MXRA5: variants seen among roughly 807,000 people sequenced by gnomAD.
MXRA5 encodes matrix remodeling associated 5.
MXRA5 carries 41 observed loss-of-function variants against 112.5 expected under a neutral mutation model. The observed-to-expected ratio is 0.36, with a 90% CI of 0.28 to 0.47. The LOEUF (loss-of-function observed/expected upper bound fraction) is 0.47. MXRA5 is among the 20% of genes least tolerant of loss of function. MXRA5 has a pLI of 0.99. For synonymous variants in MXRA5, 862 were observed against 900.8 expected, an observed-to-expected ratio of 0.96 and a Z score of 0.77; for missense variants, 2,150 against 2,251.0, an observed-to-expected ratio of 0.96 and a Z score of 0.91.
intron 2 of MXRA5, among the ~76,000 whole-genome samples, chrX:3,331,755 T>C (rs1603468144): frequency 8.9e-6 from 1 of 112,164 alleles, no homozygotes; most frequent in South Asian, 3.7e-4. Context: ...TGTATATAAT[T>C]GTCAAGATGC....
chrX:3,315,620 T>C, intron 6 of MXRA5, among the ~76,000 whole-genome samples: 2 of 110,063 alleles, frequency 1.8e-5, no homozygotes, highest in Middle Eastern at 9.6e-3. Flanking sequence ...CCAAGTGTTG[T>C]CTTGGGGCAA....
Position 3,309,573 on chromosome X carries a change from C to G in MXRA5, c.*143G>C, listed in dbSNP as rs1472946268. On this transcript the variant is annotated 3_prime_UTR_variant, in exon 7 of 7. Coordinates refer to ENST00000217939, the MANE Select transcript of MXRA5 (RefSeq NM_015419.4). ...CTTCCTTTTCCCAACAATTGTAGAT[C>G]AAGATCAACCTCAACTTGAAACCCA... 1 of 494,131 alleles carries G rather than the reference C, an allele frequency of 2.0e-6. No homozygotes were observed. Among genetic ancestry groups the G allele is most frequent in the Non-Finnish European group, 3.3e-6 (1 of 298,858 alleles). 40.7% of individuals were successfully genotyped at this position (494,131 alleles called of 1,213,427 possible).
chrX:3,312,097 C>T (rs1603467772), intron 6 of MXRA5, among the ~76,000 whole-genome samples: 1 of 111,784 alleles, frequency 8.9e-6, no homozygotes, highest in Non-Finnish European at 1.9e-5. Flanking sequence ...TGTTGTATCC[C>T]AGTTTTGGGC....
intron 5 of MXRA5, among the ~76,000 whole-genome samples, chrX:3,318,845 A>G (rs754598840): frequency 1.9e-4 from 18 of 94,167 alleles, no homozygotes; most frequent in Middle Eastern, 5.3e-3. Flanking sequence ...ATGAAATGCC[A>G]TTCTGTCTTT....
Position 3,311,068 on chromosome X carries a change from T to C in MXRA5, c.7135A>G (p.Thr2379Ala), listed in dbSNP as rs766352069. ...EAKGEPMPKVTWLSPTNKVIP... is the reference protein window; with the variant it reads ...EAKGEPMPKVAWLSPTNKVIP... ...ACCTTGTTGGTTGGGGACAACCAAG[T>C]CACCTTGGGCATGGGTTCTCCTTTG... The change falls in exon 7 of 7, where the codon ACT (threonine) becomes GCT (alanine). Residue 2379 changes from threonine (T) to alanine (A), a missense_variant. Thr to Ala is a moderately conservative substitution (Grantham distance 58). Around this residue, in one of 6 missense-constraint regions of MXRA5, gnomAD observed 1,485 missense variants for 1,471.6 expected, o/e 1.01. Transcript: ENST00000217939. 1.9e-5 allele frequency: 23 copies of C among 1,209,371 alleles called. No individual in the cohort carries two copies. Among genetic ancestry groups the C allele is most frequent in the Non-Finnish European group, 2.5e-5 (22 of 895,073 alleles).
chrX:3,331,563 G>C (rs1420254034), intron 2 of MXRA5, among the ~76,000 whole-genome samples: 2 of 111,893 alleles, frequency 1.8e-5, no homozygotes, highest in Non-Finnish European at 3.8e-5. Context: ...CATGCTAAAG[G>C]CCAAATAGAA....
intron 2 of MXRA5, among the ~76,000 whole-genome samples, chrX:3,342,807 G>A (rs1183895983): frequency 8.9e-6 from 1 of 112,094 alleles, no homozygotes; most frequent in Non-Finnish European, 1.9e-5. Context: ...TGTCAATGGA[G>A]GAGAGTTTTT....
At position 3,311,368 on chromosome X, in the gene MXRA5, G is replaced by A. The variant is rs1406773286; in HGVS notation, c.6835C>T (p.Leu2279Phe). ...GLPNPEISWS[L>F]PDGSLVNSFM... is the part of the protein sequence containing the mutation. ...GAGTTCACCAGACTCCCGTCTGGGAGGCTCCAGGAGATCTCGGGATTGGGA... is the reference window on the plus strand; with the variant it reads ...GAGTTCACCAGACTCCCGTCTGGGAAGCTCCAGGAGATCTCGGGATTGGGA... Residue 2279 changes from leucine (L) to phenylalanine (F), a missense_variant, in exon 7 of 7, where the codon CTC becomes TTC. Leu to Phe is a conservative substitution (Grantham distance 22, BLOSUM62 0). Around this residue, in one of 6 missense-constraint regions of MXRA5, gnomAD observed 1,485 missense variants for 1,471.6 expected, o/e 1.01. Transcript: ENST00000217939. The A allele has an allele frequency of 8.3e-7, 1 of 1,212,055 alleles. No homozygotes were observed. Among genetic ancestry groups the A allele is most frequent in the Admixed American group, 2.2e-5 (1 of 46,113 alleles).
Position 3,322,316 on chromosome X carries a change from T to A in MXRA5, c.3369A>T (p.Lys1123Asn). The A allele has an allele frequency of 3.3e-6, 4 of 1,210,922 alleles. No individual in the cohort carries two copies. The highest frequency in any genetic ancestry group is 4.5e-6 in the Non-Finnish European group (4 of 895,164). Residue 1123 changes from lysine (K) to asparagine (N), a missense_variant, in exon 5 of 7, where the codon AAA (lysine) becomes AAT (asparagine). Transcript: ENST00000217939. Reference sequence around the variant, plus strand: ...GTGTTGTTGTTGCTGTTGTGGTGTCTTTGTCTAGGAGGGTACCAACTGTGG... The same window carrying A: ...GTGTTGTTGTTGCTGTTGTGGTGTCATTGTCTAGGAGGGTACCAACTGTGG... ...AETTVGTLLD[K>N]DTTTATTTPR...
rs1460725943 is a variant in MXRA5, at chrX:3,317,904, T to C, written c.5777A>G (p.Tyr1926Cys). The C allele has an allele frequency of 1.7e-6, 2 of 1,211,429 alleles. No individual in the cohort carries two copies. Among genetic ancestry groups the C allele is most frequent in the East Asian group, 3.0e-5 (1 of 33,809 alleles). The change falls in exon 6 of 7, where the codon TAT becomes TGT. Residue 1926 changes from tyrosine to cysteine, a missense_variant. Physicochemically the swap from Tyr to Cys is radical, Grantham distance 194. Transcript: ENST00000217939. ...GTGCAGGTTGCTGGCGGTGCACATATACTGGCCTCGATCTTGTACTTGAAC... is the reference window on the plus strand; with the variant it reads ...GTGCAGGTTGCTGGCGGTGCACATACACTGGCCTCGATCTTGTACTTGAAC... ...RKVQVQDRGQ[Y>C]MCTASNLHGL... is the part of the protein sequence containing the mutation.
In MXRA5 at chrX:3,311,594, A is replaced by G. The variant is rs769635590; in HGVS notation, c.6609T>C (p.Asn2203=). 2 of 1,209,425 alleles carry G rather than the reference A, an allele frequency of 1.7e-6. No individual in the cohort carries two copies. The highest frequency in any genetic ancestry group is 3.5e-5 in the African/African-American group (2 of 57,393). ...SFDSRIKVFA[N]GTLVVKSVTD... ...TCACTGATTTCACCACCAGGGTCCC[A>G]TTGGCAAACACCTTGATTCTGCTAT... Residue 2203 remains asparagine, a synonymous_variant, in exon 7 of 7, where the codon AAT becomes AAC. Transcript: ENST00000217939.
rs1441128328 is a variant in MXRA5 at position 3,324,142 on chromosome X, G to T, written c.1543C>A (p.Leu515Ile). 8.3e-7 allele frequency: 1 copy of T among 1,209,522 alleles called. No homozygotes were observed. The highest frequency in any genetic ancestry group is 1.1e-6 in the Non-Finnish European group (1 of 895,163). The change falls in exon 5 of 7, where the codon CTT (leucine) becomes ATT (isoleucine). Residue 515 changes from leucine (L) to isoleucine (I), a missense_variant. Physicochemically the swap from Leu to Ile is conservative, Grantham distance 5. This residue lies in a region of MXRA5 where 386 missense variants were observed against 411.0 expected (regional missense o/e 0.94). Coordinates refer to ENST00000217939, the MANE Select transcript of MXRA5 (RefSeq NM_015419.4). The part of the protein sequence containing the change: ...ASESPSIFWV[L>I]PDGSILKAPM... ...GCTTTCAGGATGGAGCCATCTGGAA[G>T]CACCCAGAAGATAGATGGACTCTCA...
In MXRA5 at chrX:3,330,353, C is replaced by T. The variant is rs376675393; in HGVS notation, c.374G>A (p.Gly125Asp). The T allele has an allele frequency of 3.3e-6, 4 of 1,207,947 alleles. No individual in the cohort carries two copies. The African/African-American group carries it at 7.0e-5, about 21-fold the overall frequency. The change falls in exon 4 of 7, where the codon GGT (glycine) becomes GAT (aspartate). Residue 125 changes from glycine to aspartate, a missense_variant. By Grantham distance (94) the Gly-to-Asp change is moderately conservative (BLOSUM62 -1). Coordinates refer to ENST00000217939, the MANE Select transcript of MXRA5 (RefSeq NM_015419.4). ...GTGCAGCCTCATTAAGTTAGAGAGA[C>T]CCTGGAGGGTCTGTCCTGTGATCAC... The part of the protein sequence containing the change: ...LRVITGQTLQ[G>D]LSNLMRLHID...
intron 6 of MXRA5, 66 bp from the exon 7 acceptor site, chrX:3,311,690 G>C (rs192204668): frequency 2.1e-6 from 2 of 944,870 alleles, no homozygotes; most frequent in East Asian, 3.1e-5. Flanking sequence ...GCATTAGGTC[G>C]CTGGAATAAC....
intron 3 of MXRA5, 104 bp from the exon 4 acceptor site, chrX:3,330,512 A>G: frequency 9.0e-7 from 1 of 1,112,591 alleles, no homozygotes; most frequent in East Asian, 3.0e-5. Context: ...GAGAGTAATG[A>G]CATGAAGCTT....
Position 3,321,402 on chromosome X carries a change from A to G in MXRA5, c.4283T>C (p.Val1428Ala). The G allele has an allele frequency of 8.3e-7, 1 of 1,211,629 alleles. No individual in the cohort carries two copies. The highest frequency in any genetic ancestry group is 1.1e-6 in the Non-Finnish European group (1 of 895,469). Residue 1428 changes from valine to alanine, a missense_variant, in exon 5 of 7, where the codon GTC (valine) becomes GCC (alanine). Around this residue, in one of 6 missense-constraint regions of MXRA5, gnomAD observed 1,485 missense variants for 1,471.6 expected, o/e 1.01. Coordinates refer to ENST00000217939, the MANE Select transcript of MXRA5 (RefSeq NM_015419.4). The part of the protein sequence containing the change: ...FTSEFLSSLT[V>A]STPFHQEEAG... ...TTCTTCCTGGTGAAATGGTGTGGAG[A>G]CTGTCAAAGAGGACAAAAACTCGGA...
chrX:3,339,836 C>A (rs1921873444), intron 2 of MXRA5, among the ~76,000 whole-genome samples: 1 of 112,406 alleles, frequency 8.9e-6, no homozygotes, highest in Admixed American at 9.5e-5. Flanking sequence ...GGCTTATTAG[C>A]CCCTTGGCTT....
intron 3 of MXRA5, 85 bp downstream of exon 3, chrX:3,330,559 T>G (rs1921640522): frequency 8.7e-7 from 1 of 1,149,793 alleles, no homozygotes; most frequent in African/African-American, 1.8e-5. Context: ...TTATTGATCA[T>G]TAAGGAGAAT....
Position 3,317,982 on chromosome X carries a change from G to A in MXRA5, c.5699C>T (p.Thr1900Ile). The change falls in exon 6 of 7, where the codon ACC becomes ATC. Residue 1900 changes from threonine to isoleucine, a missense_variant. Coordinates refer to ENST00000217939, the MANE Select transcript of MXRA5 (RefSeq NM_015419.4). ...GAGAACCTCAAACCGTTGTATCCTG[G>A]TATTCGGAGTCATAAGAGCTCCTGG... ...VSTGALMTPN[T>I]RIQRFEVLKN... The A allele has an allele frequency of 8.4e-7, 1 of 1,196,257 alleles. No individual in the cohort carries two copies. The highest frequency in any genetic ancestry group is 1.1e-6 in the Non-Finnish European group (1 of 886,855).
Sources: allele counts gnomAD v4.1 joint callset (sites outside exome capture counted in the v4.1 genomes callset), GRCh38; gene constraint gnomAD v4.1.1; regional missense constraint gnomAD v4.1.1; transcripts MANE v1.5; gene names NCBI Gene and HGNC (gene_info 2026-07-23, HGNC 2026-07-21).